Variants in SYCP2L observed in about 807,000 individuals in gnomAD.
The protein encoded by SYCP2L is synaptonemal complex protein 2-like.
SYCP2L carries 98 observed loss-of-function variants against 125.8 expected under a neutral mutation model. That is an observed-to-expected ratio of 0.78 (90% confidence interval 0.66 to 0.92). SYCP2L has a LOEUF of 0.92. Among genes scored for constraint, SYCP2L ranks in the 40% least tolerant of loss-of-function variants. The pLI is 0.00. For synonymous variants in SYCP2L, 317 were observed against 325.4 expected, an observed-to-expected ratio of 0.97 and a Z score of 0.28; for missense variants, 842 against 936.4, an observed-to-expected ratio of 0.90 and a Z score of 1.32.
At chr6:10,895,326 C>A (rs1561679332) in intron 4 of SYCP2L, among the ~76,000 whole-genome samples, 2 of 152,184 alleles carry the variant, frequency 1.3e-5, no homozygotes, top group African/African-American at 4.8e-5. Context: ...TGAGAGCACA[C>A]CTGAACAAAG....
intron 21 of SYCP2L, among the ~76,000 whole-genome samples, chr6:10,940,933 T>C (rs1358513489): frequency 6.6e-6 from 1 of 152,170 alleles, no homozygotes; most frequent in Non-Finnish European, 1.5e-5. Context: ...TGAGGCCAGA[T>C]GGGCAGCTCC....
At chr6:10,953,606 G>A (rs1781447946) in intron 23 of SYCP2L, among the ~76,000 whole-genome samples, 1 of 152,142 alleles carries the variant, frequency 6.6e-6, no homozygotes, top group Non-Finnish European at 1.5e-5. Flanking sequence ...ATTTGTAGGA[G>A]CTTGGGTATT....
intron 20 of SYCP2L, among the ~76,000 whole-genome samples, chr6:10,933,417 T>G (rs1220390157): frequency 6.6e-6 from 1 of 152,208 alleles, no homozygotes; most frequent in Non-Finnish European, 1.5e-5. Flanking sequence ...GCAGTGGTTC[T>G]CAAACACTAG....
intron 1 of SYCP2L, among the ~76,000 whole-genome samples, chr6:10,887,481 A>G (rs745949666): frequency 5.3e-5 from 8 of 152,200 alleles, no homozygotes; most frequent in Non-Finnish European, 8.8e-5. Context: ...TAGAAAGTGC[A>G]GAAGTGTTAA....
At chr6:10,956,909 C>G (rs9379974) in intron 25 of SYCP2L, among the ~76,000 whole-genome samples, 43,552 of 152,170 alleles carry the variant, frequency 0.29, 6,260 homozygotes, top group Middle Eastern at 0.33. Flanking sequence ...TCACTCTAAC[C>G]TTGAACTCTT....
chr6:10,919,643 G>A (rs2113336226), intron 14 of SYCP2L, among the ~76,000 whole-genome samples: 1 of 152,274 alleles, frequency 6.6e-6, no homozygotes, highest in East Asian at 1.9e-4. Flanking sequence ...ACTCCCAAGA[G>A]TATATTCCCT....
intron 14 of SYCP2L, among the ~76,000 whole-genome samples, chr6:10,920,627 CTTTTA>C (rs1249060136): frequency 4.6e-5 from 7 of 151,286 alleles, no homozygotes; most frequent in African/African-American, 1.2e-4. Flanking sequence ...TTTTCTTCAA[CTTTTA>C]TTTTAAGTTC....
chr6:10,930,605 C>T (rs934555336), intron 19 of SYCP2L, 91 bp downstream of exon 19: 3 of 1,404,960 alleles, frequency 2.1e-6, no homozygotes, highest in East Asian at 5.0e-5. Flanking sequence ...GGAGTGGGTC[C>T]AAAGAAATAT....
intron 25 of SYCP2L, among the ~76,000 whole-genome samples, chr6:10,958,255 G>A (rs191739449): frequency 1.3e-5 from 2 of 152,126 alleles, no homozygotes; most frequent in Admixed American, 6.5e-5. Flanking sequence ...GGTTCTGCAG[G>A]CCATACAGGA....
intron 29 of SYCP2L, among the ~76,000 whole-genome samples, chr6:10,964,470 T>C (rs1375298993): frequency 6.6e-6 from 1 of 152,214 alleles, no homozygotes; most frequent in Admixed American, 6.5e-5. Context: ...ATTTGCAGAA[T>C]ATGCACTGGT....
At chr6:10,903,209 C>T (rs1206206045) in intron 8 of SYCP2L, among the ~76,000 whole-genome samples, 1 of 151,754 alleles carries the variant, frequency 6.6e-6, no homozygotes, top group Non-Finnish European at 1.5e-5. Context: ...CCAAGGCGGG[C>T]AGATCATGAG....
At chr6:10,959,706 C>G (rs1461018403) in intron 26 of SYCP2L, among the ~76,000 whole-genome samples, 1 of 149,978 alleles carries the variant, frequency 6.7e-6, no homozygotes, top group Non-Finnish European at 1.5e-5. Context: ...CCCATCTCTA[C>G]TAAAAATAAA....
chr6:10,958,802 C>CCGT lies in SYCP2L; in HGVS notation c.2183_2185dup (p.Pro728_Phe729insSer), dbSNP rs1466117821. On this transcript the variant is annotated inframe_insertion, in exon 26 of 30. Coordinates refer to ENST00000283141, the MANE Select transcript of SYCP2L (RefSeq NM_001040274.3). ...GATTTAGCTTAGGTACAGAAAGCGT[C>CCGT]CGTTTAATTCAGAAAATGCAAAGAA... 1 of 1,613,374 alleles carries CCGT rather than the reference C, an allele frequency of 6.2e-7. No individual in the cohort carries two copies. Among genetic ancestry groups the CCGT allele is most frequent in the South Asian group, 1.1e-5 (1 of 90,934 alleles).
At chr6:10,911,833 T>C (rs2113321368) in intron 12 of SYCP2L, among the ~76,000 whole-genome samples, 1 of 151,906 alleles carries the variant, frequency 6.6e-6, no homozygotes, top group African/African-American at 2.4e-5. Context: ...ATACAACTTA[T>C]TGGAAAGTTG....
At chr6:10,951,890 C>A (rs1166388658) in intron 23 of SYCP2L, among the ~76,000 whole-genome samples, 3 of 152,164 alleles carry the variant, frequency 2.0e-5, no homozygotes, top group Admixed American at 1.3e-4. Context: ...AACACAGATG[C>A]CAAACATACG....
At chr6:10,935,210 A>G in intron 21 of SYCP2L, 23 bp downstream of exon 21, 1 of 1,603,998 alleles carries the variant, frequency 6.2e-7, no homozygotes, top group Non-Finnish European at 8.5e-7. Context: ...CTGTTGACTT[A>G]CATAGGAAAA....
intron 23 of SYCP2L, among the ~76,000 whole-genome samples, chr6:10,950,250 G>A (rs956492953): frequency 2.6e-5 from 4 of 152,048 alleles, no homozygotes; most frequent in Admixed American, 2.0e-4. Flanking sequence ...AGAATTTATT[G>A]GGGCTTATAT....
At chr6:10,902,528 A>G in intron 6 of SYCP2L, 149 bp from the exon 7 acceptor site, 1 of 642,296 alleles carries the variant, frequency 1.6e-6, no homozygotes. Context: ...AAGACAATGC[A>G]ACAGGATTGT....
At chr6:10,904,299 C>T (rs981196638) in intron 8 of SYCP2L, among the ~76,000 whole-genome samples, 3 of 152,128 alleles carry the variant, frequency 2.0e-5, no homozygotes, top group Non-Finnish European at 4.4e-5. Flanking sequence ...ACAACAAAAC[C>T]AGCACCGTGT....
Sources: allele counts gnomAD v4.1 joint callset (sites outside exome capture counted in the v4.1 genomes callset), GRCh38; gene constraint gnomAD v4.1.1; transcripts MANE v1.5; gene names NCBI Gene and HGNC (gene_info 2026-07-23, HGNC 2026-07-21).